FOXN3: variants seen among roughly 807,000 people sequenced by gnomAD.
FOXN3 encodes forkhead box N3, also known as forkhead box protein N3.
Under a neutral mutation model 38.4 loss-of-function variants are expected in FOXN3, and 7 were observed. The ratio of observed to expected loss-of-function variants is 0.18; its 90% CI spans 0.10 to 0.34. FOXN3 has a LOEUF of 0.34. Ranked by LOEUF, FOXN3 falls within the 10% of genes least tolerant of loss-of-function variation. The pLI is 1.00. For missense variants in FOXN3, 456 were observed against 613.4 expected (o/e 0.74, Z 2.71); for synonymous variants, 230 against 242.2 (o/e 0.95, Z 0.47).
intron 1 of FOXN3, among the ~76,000 whole-genome samples, chr14:89,617,628 T>C (rs932867450): frequency 1.3e-5 from 2 of 152,262 alleles, no homozygotes; most frequent in Non-Finnish European, 2.9e-5. Flanking sequence ...CTACAACTTA[T>C]GAGCAGAAAT....
intron 3 of FOXN3, among the ~76,000 whole-genome samples, chr14:89,288,956 C>T (rs1169667567): frequency 6.6e-6 from 1 of 151,010 alleles, no homozygotes; most frequent in African/African-American, 2.4e-5. Flanking sequence ...CGCAAGTGGG[C>T]GGATCCCTTG....
intron 1 of FOXN3, among the ~76,000 whole-genome samples, chr14:89,530,179 C>A (rs2139834609): frequency 6.6e-6 from 1 of 152,218 alleles, no homozygotes; most frequent in African/African-American, 2.4e-5. Flanking sequence ...ACCTCGTGAT[C>A]CGCCTGCCTC....
intron 4 of FOXN3, among the ~76,000 whole-genome samples, chr14:89,191,185 A>C (rs1346611296): frequency 6.6e-6 from 1 of 152,180 alleles, no homozygotes; most frequent in Non-Finnish European, 1.5e-5. Context: ...GACAGAGAAA[A>C]ATATTATCCT....
At chr14:89,299,808 G>A (rs562969530) in intron 3 of FOXN3, among the ~76,000 whole-genome samples, 1 of 152,330 alleles carries the variant, frequency 6.6e-6, no homozygotes, top group East Asian at 1.9e-4. Context: ...AGTGCAACAG[G>A]TGGAACCAGC....
At chr14:89,596,864 T>C (rs1243416853) in intron 1 of FOXN3, among the ~76,000 whole-genome samples, 1 of 152,196 alleles carries the variant, frequency 6.6e-6, no homozygotes, top group Non-Finnish European at 1.5e-5. Flanking sequence ...CTTTTTTCAT[T>C]CCTCATAGTT....
chr14:89,358,618 G>C (rs966824320), intron 2 of FOXN3, among the ~76,000 whole-genome samples: 2 of 152,120 alleles, frequency 1.3e-5, no homozygotes, highest in African/African-American at 4.8e-5. Flanking sequence ...TCATCCCAAA[G>C]GCCCATCATT....
Position 89,159,037 on chromosome 14 carries a change from T to C in FOXN3, c.*3377A>G, listed in dbSNP as rs1037407088. 1 of 152,612 alleles carries C rather than the reference T, an allele frequency of 6.6e-6. No individual in the cohort carries two copies. Among genetic ancestry groups the C allele is most frequent in the Non-Finnish European group, 1.5e-5 (1 of 68,038 alleles). 9.5% of individuals were successfully genotyped at this position (152,612 alleles called of 1,614,324 possible). On this transcript the variant is annotated 3_prime_UTR_variant, in exon 6 of 6. Coordinates refer to ENST00000557258, the MANE Select transcript of FOXN3 (RefSeq NM_005197.4). ...TTGGAAGCTAAAAGAACACCTGACG[T>C]TTGGGAAGGAATTCCAAGACTAAAG...
At chr14:89,454,328 T>A (rs957171675) in intron 1 of FOXN3, among the ~76,000 whole-genome samples, 1 of 151,998 alleles carries the variant, frequency 6.6e-6, no homozygotes, top group East Asian at 1.9e-4. Context: ...GAGACCAGGG[T>A]GGCTGTGGCT....
chr14:89,322,841 G>A (rs765065465), intron 3 of FOXN3, among the ~76,000 whole-genome samples: 14 of 152,138 alleles, frequency 9.2e-5, no homozygotes, highest in East Asian at 3.9e-4. Context: ...TACCAGCCTC[G>A]TGCTACTATG....
chr14:89,429,581 A>G (rs1275596148), intron 1 of FOXN3, among the ~76,000 whole-genome samples: 2 of 151,936 alleles, frequency 1.3e-5, no homozygotes, highest in Non-Finnish European at 2.9e-5. Context: ...CTTGGGGTGC[A>G]AAAGGCATGT....
At chr14:89,285,244 G>C (rs1596153751) in intron 3 of FOXN3, among the ~76,000 whole-genome samples, 1 of 152,328 alleles carries the variant, frequency 6.6e-6, no homozygotes, top group Middle Eastern at 3.4e-3. Context: ...AAGTGGGCCA[G>C]GCATCGTGGC....
At chr14:89,321,351 G>T (rs1887890693) in intron 3 of FOXN3, among the ~76,000 whole-genome samples, 1 of 152,116 alleles carries the variant, frequency 6.6e-6, no homozygotes, top group African/African-American at 2.4e-5. Flanking sequence ...GCTGAGACGG[G>T]TGGATCACGA....
At chr14:89,606,011 T>G (rs1479501599) in intron 1 of FOXN3, among the ~76,000 whole-genome samples, 1 of 151,784 alleles carries the variant, frequency 6.6e-6, no homozygotes, top group South Asian at 2.1e-4. Flanking sequence ...AATGATAATA[T>G]GTAATCTGTG....
chr14:89,477,818 C>T (rs899477444), intron 1 of FOXN3, among the ~76,000 whole-genome samples: 1 of 151,864 alleles, frequency 6.6e-6, no homozygotes, highest in Non-Finnish European at 1.5e-5. Context: ...TGTAAATAGG[C>T]ATTGAGTCAA....
At chr14:89,433,922 A>ATT (rs35711478) in intron 1 of FOXN3, among the ~76,000 whole-genome samples, 51 of 108,952 alleles carry the variant, frequency 4.7e-4, no homozygotes, top group African/African-American at 1.0e-3. Flanking sequence ...TTTTATCAGA[A>ATT]TTTTTTTTTT....
At chr14:89,250,446 A>G (rs1885420667) in intron 4 of FOXN3, among the ~76,000 whole-genome samples, 1 of 152,240 alleles carries the variant, frequency 6.6e-6, no homozygotes, top group South Asian at 2.1e-4. Flanking sequence ...TAAACATATA[A>G]GAATATCAAA....
chr14:89,522,493 A>C (rs1200620568), intron 1 of FOXN3, among the ~76,000 whole-genome samples: 2 of 152,240 alleles, frequency 1.3e-5, no homozygotes, highest in Non-Finnish European at 2.9e-5. Flanking sequence ...TATTTTAAAT[A>C]TCTTTAAAAC....
At chr14:89,281,526 T>G (rs1886460088) in intron 3 of FOXN3, among the ~76,000 whole-genome samples, 1 of 152,168 alleles carries the variant, frequency 6.6e-6, no homozygotes, top group African/African-American at 2.4e-5. Context: ...CCTCTTCTCG[T>G]TTCGTATCCT....
chr14:89,488,832 C>T (rs1034116), intron 1 of FOXN3, among the ~76,000 whole-genome samples: 19,203 of 152,024 alleles, frequency 0.13, 1,272 homozygotes, highest in Middle Eastern at 0.15. Flanking sequence ...AATGTTACCA[C>T]GCCTCGACAG....
Sources: gnomAD v4.1 joint callset for allele counts (sites outside exome capture counted in the v4.1 genomes callset) on GRCh38, gnomAD v4.1.1 for gene constraint, MANE v1.5 for transcripts, NCBI Gene and HGNC (gene_info 2026-07-23, HGNC 2026-07-21) for gene names.